The following RIPK1 variants were observed in gnomAD, a reference collection of about 807,000 sequenced individuals.
RIPK1 encodes receptor interacting serine/threonine kinase 1.
Under a neutral mutation model 62.4 loss-of-function variants are expected in RIPK1, and 27 were observed. The observed-to-expected ratio is 0.43, with a 90% CI of 0.32 to 0.60. The LOEUF (loss-of-function observed/expected upper bound fraction) is 0.60. Among genes scored for constraint, RIPK1 ranks in the 20% least tolerant of loss-of-function variants. The pLI is 0.07. For synonymous variants in RIPK1, 287 were observed against 303.2 expected (o/e 0.95, Z 0.55); for missense variants, 735 against 831.0 (o/e 0.88, Z 1.42).
intron 9 of RIPK1, among the ~76,000 whole-genome samples, chr6:3,107,624 C>G (rs1454573493): frequency 3.3e-5 from 5 of 151,764 alleles, no homozygotes; most frequent in Admixed American, 1.3e-4. Flanking sequence ...GTGCAGTTCT[C>G]CAGGCACTGG....
chr6:3,103,673 G>T (rs1408989482), intron 7 of RIPK1, among the ~76,000 whole-genome samples: 1 of 152,086 alleles, frequency 6.6e-6, no homozygotes, highest in African/African-American at 2.4e-5. Context: ...ACTTTTGTTT[G>T]TGCTTTTGTG....
rs1760773304 is a variant in RIPK1 at position 3,105,072 on chromosome 6, G to A, written c.1007-410G>A. Among the ~76,000 whole-genome samples the A allele has an allele frequency of 2.6e-5, 4 of 152,016 alleles. No individual in the cohort carries two copies. The highest frequency in any genetic ancestry group is 2.6e-4 in the Admixed American group (4 of 15,256). ...TCGCCATGTTGGCCAGGCTGGTCTCGAACTCCTGACCTCAGGTGATCCGTC... is the reference window on the plus strand; with the variant it reads ...TCGCCATGTTGGCCAGGCTGGTCTCAAACTCCTGACCTCAGGTGATCCGTC... On this transcript the variant is annotated intron_variant, in intron 8 of 10. Transcript: ENST00000259808. The surrounding 1 kb of genome is among the most constrained non-coding windows in gnomAD (Gnocchi z 4.5).
chr6:3,084,626 A>G (rs1299749341), intron 5 of RIPK1, among the ~76,000 whole-genome samples: 6 of 138,524 alleles, frequency 4.3e-5, no homozygotes, highest in Non-Finnish European at 9.1e-5. Flanking sequence ...ACAGAGTCTC[A>G]TTCTGTCGCC....
chr6:3,068,472 A>T (rs1354991932), upstream of RIPK1: 1 of 984,898 alleles, frequency 1.0e-6, no homozygotes, highest in Admixed American at 6.2e-5. Context: ...GGGCCGGGGC[A>T]GGGGGAGGAG....
In RIPK1 at chr6:3,114,340, A is replaced by AT; in HGVS notation, c.*1007dup. On this transcript the variant is annotated 3_prime_UTR_variant, in exon 11 of 11. Coordinates refer to ENST00000259808, the MANE Select transcript of RIPK1 (RefSeq NM_001354930.2). This position sits in a 1 kb window ranked among gnomAD's most constrained non-coding sequence, Gnocchi z 5.0. ...CTGTGTACTGTGAAAGTATTTTCAT[A>AT]TTTTTTCTGTGTGCCAGAGTGAAAA... 1 of 152,050 alleles carries AT rather than the reference A, an allele frequency of 6.6e-6. No individual in the cohort carries two copies. Among genetic ancestry groups the AT allele is most frequent in the Non-Finnish European group, 1.5e-5 (1 of 68,030 alleles). The allele number at this position is 152,050 out of a possible 1,614,324, so 9.4% of individuals were successfully genotyped here.
Position 3,113,659 on chromosome 6 carries a change from A to G in RIPK1, c.*320A>G, listed in dbSNP as rs1248893691. The G allele has an allele frequency of 3.8e-6, 1 of 261,122 alleles. No homozygotes were observed. The highest frequency in any genetic ancestry group is 2.2e-5 in the African/African-American group (1 of 46,352). 16.2% of individuals were successfully genotyped at this position (261,122 alleles called of 1,614,324 possible). A position where few individuals can be genotyped will look rare whatever the true frequency, so the allele number is the denominator to read the frequency against. ...CTCTGAGGAAAGCGTAAGCAGGAAG[A>G]CCTCTTAATGGCATAGCACCAATAA... On this transcript the variant is annotated 3_prime_UTR_variant, in exon 11 of 11. Transcript: ENST00000259808. The surrounding 1 kb of genome is among the most constrained non-coding windows in gnomAD (Gnocchi z 5.0).
upstream of RIPK1, chr6:3,068,455 C>A: frequency 1.0e-6 from 1 of 985,410 alleles, no homozygotes; most frequent in Non-Finnish European, 1.2e-6. Flanking sequence ...GTCCTCCTCC[C>A]CGGCAAGGGC....
rs1421429853 is a variant in RIPK1, at chr6:3,090,855, G to GCACC, written c.915+1198_915+1199insCACC. Among the ~76,000 whole-genome samples, 198 of 97,106 alleles carry GCACC rather than the reference G, an allele frequency of 2.0e-3. 17 individuals carry two copies. The highest frequency in any genetic ancestry group is 4.7e-3 in the Middle Eastern group (1 of 214). The allele number at this position is 97,106 out of a possible 152,430, so 63.7% of individuals were successfully genotyped here. ...ACCTGCCGCACCTAGTAACCGCAGA[G>GCACC]TACCTACCTGCCGCACCTAGTAACC... On this transcript the variant is annotated intron_variant, in intron 7 of 10. Transcript: ENST00000259808.
At chr6:3,111,706 C>T (rs1761168253) in intron 10 of RIPK1, among the ~76,000 whole-genome samples, 1 of 144,924 alleles carries the variant, frequency 6.9e-6, no homozygotes, top group Admixed American at 7.3e-5. Flanking sequence ...GGCCCACAGG[C>T]CATAGTTGGC....
intron 9 of RIPK1, among the ~76,000 whole-genome samples, chr6:3,107,592 A>G (rs920841048): frequency 1.3e-5 from 2 of 150,912 alleles, no homozygotes; most frequent in Admixed American, 6.6e-5. Flanking sequence ...AAAAAATTCC[A>G]AAACTCTTCC....
chr6:3,104,444 G>A lies in RIPK1; in HGVS notation c.1006+129G>A, dbSNP rs960810045. ...TATAAAAGTGAACACCTGCCTTACA[G>A]GAATTTATAATAATATTCGAGAGTC... is the stretch of plus-strand genomic sequence containing the variant. On this transcript the variant is annotated intron_variant, in intron 8 of 10. Transcript: ENST00000259808. The A allele has an allele frequency of 1.9e-5, 11 of 575,656 alleles. No individual in the cohort carries two copies. The East Asian group carries it at 2.8e-4, about 15-fold the overall frequency. 35.7% of individuals were successfully genotyped at this position (575,656 alleles called of 1,614,324 possible). A position where few individuals can be genotyped will look rare whatever the true frequency, so the allele number is the denominator to read the frequency against.
intron 10 of RIPK1, 105 bp from the exon 11 acceptor site, chr6:3,112,948 G>A (rs1761239748): frequency 2.2e-6 from 2 of 922,910 alleles, no homozygotes; most frequent in Admixed American, 2.9e-5. Flanking sequence ...CTTTTTCACT[G>A]TCTTCTGGTA....
chr6:3,066,408 T>A (rs1758383123), upstream of RIPK1, among the ~76,000 whole-genome samples: 1 of 152,216 alleles, frequency 6.6e-6, no homozygotes, highest in African/African-American at 2.4e-5. Flanking sequence ...ACTGAAGGAA[T>A]GAATTCCTTT....
chr6:3,070,020 A>AG (rs55985775), intron 1 of RIPK1, among the ~76,000 whole-genome samples: 1 of 152,126 alleles, frequency 6.6e-6, no homozygotes, highest in Non-Finnish European at 1.5e-5. Flanking sequence ...AAAAAAAAAA[A>AG]TAAATAAAGA....
intron 7 of RIPK1, among the ~76,000 whole-genome samples, chr6:3,092,641 A>C (rs1760084729): frequency 5.1e-5 from 1 of 19,718 alleles, no homozygotes; most frequent in East Asian, 1.2e-3. Context: ...TGCCGCACCT[A>C]GTAACCGCAG....
At chr6:3,089,050 CTCTG>C (rs1759874548) in intron 6 of RIPK1, among the ~76,000 whole-genome samples, 1 of 152,166 alleles carries the variant, frequency 6.6e-6, no homozygotes, top group Non-Finnish European at 1.5e-5. Context: ...CTTTCAGAGA[CTCTG>C]TATGTTTGTT....
chr6:3,113,129 C>T lies in RIPK1; in HGVS notation c.1806C>T (p.Ala602=), dbSNP rs761741675. 2 of 1,610,130 alleles carry T rather than the reference C, an allele frequency of 1.2e-6. No individual in the cohort carries two copies. The highest frequency in any genetic ancestry group is 2.2e-5 in the East Asian group (1 of 44,796). ...ENLGKHWKNC[A]RKLGFTQSQI... ...TGGGAAAGCACTGGAAAAACTGTGC[C>T]CGTAAACTGGGCTTCACACAGTCTC... The change falls in exon 11 of 11, where the codon GCC becomes GCT. Residue 602 remains alanine, a synonymous_variant. Transcript: ENST00000259808. This position sits in a 1 kb window ranked among gnomAD's most constrained non-coding sequence, Gnocchi z 5.0.
chr6:3,113,352 T>C lies in RIPK1; in HGVS notation c.*13T>C. 6.2e-7 allele frequency: 1 copy of C among 1,607,654 alleles called. No homozygotes were observed. Among genetic ancestry groups the C allele is most frequent in the Non-Finnish European group, 8.5e-7 (1 of 1,176,114 alleles). On this transcript the variant is annotated 3_prime_UTR_variant, in exon 11 of 11. Transcript: ENST00000259808. This position sits in a 1 kb window ranked among gnomAD's most constrained non-coding sequence, Gnocchi z 5.0. ...CAGCCAGAACTAACCCTGGATGGGC[T>C]ACGGCAGCTGAAGTGGACGCCTCAC...
intron 6 of RIPK1, chr6:3,088,956 G>C (rs1160541138): frequency 6.6e-6 from 1 of 152,096 alleles, no homozygotes. Flanking sequence ...AGATATATGA[G>C]GAAAAGAGAA....
Sources: gnomAD v4.1 joint callset for allele counts (sites outside exome capture counted in the v4.1 genomes callset) on GRCh38, gnomAD v4.1.1 for gene constraint, Gnocchi (gnomAD v3.1) non-coding constraint, MANE v1.5 for transcripts, NCBI Gene and HGNC (gene_info 2026-07-23, HGNC 2026-07-21) for gene names.